The following STK32C variants were observed in gnomAD, a reference collection of about 807,000 sequenced individuals.
STK32C encodes the protein serine/threonine-protein kinase 32C.
In STK32C, 31 loss-of-function variants were observed where a neutral mutation model predicts 56.5. That is an observed-to-expected ratio of 0.55 (90% CI 0.41 to 0.74). The LOEUF (loss-of-function observed/expected upper bound fraction) is 0.74. STK32C is among the 30% of genes least tolerant of loss of function. The probability of loss-of-function intolerance (pLI) is 0.00; values close to 1 mark genes in which losing one functional copy is unlikely to be tolerated. For synonymous variants in STK32C, 309 were observed against 289.4 expected, an observed-to-expected ratio of 1.07 and a Z score of -0.69; for missense variants, 544 against 676.9, an observed-to-expected ratio of 0.80 and a Z score of 2.18.
chr10:132,286,148 T>C (rs1048671251), intron 1 of STK32C, among the ~76,000 whole-genome samples: 1 of 149,842 alleles, frequency 6.7e-6, no homozygotes, highest in African/African-American at 2.5e-5. Context: ...AGGAAAATAA[T>C]ACAACTTCAT....
At chr10:132,221,841 GTGAGTGTGAGGGCTTCA>G (rs1455830190) in intron 10 of STK32C, among the ~76,000 whole-genome samples, 44 of 137,896 alleles carry the variant, frequency 3.2e-4, no homozygotes, top group Non-Finnish European at 2.0e-4. Flanking sequence ...ACGCACCTGG[GTGAGTGTGAGGGCTTCA>G]CGTGGCCATC....
chr10:132,233,912 G>A (rs1020718961), intron 2 of STK32C, among the ~76,000 whole-genome samples: 5 of 152,256 alleles, frequency 3.3e-5, no homozygotes, highest in African/African-American at 9.6e-5. Context: ...ATGCTGGCTG[G>A]AGCCTTACTG....
rs1206993428 is a variant in STK32C, at chr10:132,255,299, A to G, written c.263-9344T>C. ...TAGGAAATACCGGGCCAGGTGGAAG[A>G]GTTGGAACCGGCCCGATAGCTCCTC... On this transcript the variant is annotated intron_variant, in intron 1 of 11. Transcript: ENST00000298630. The surrounding 1 kb of genome is among the most constrained non-coding windows in gnomAD (Gnocchi z 4.6). 6.6e-6 allele frequency among the ~76,000 whole-genome samples: 1 copy of G among 152,068 alleles called. No homozygotes were observed. The highest frequency in any genetic ancestry group is 1.5e-5 in the Non-Finnish European group (1 of 68,010).
intron 1 of STK32C, among the ~76,000 whole-genome samples, chr10:132,259,713 T>C (rs1036939211): frequency 6.6e-6 from 1 of 152,150 alleles, no homozygotes; most frequent in Non-Finnish European, 1.5e-5. Flanking sequence ...AAACCTCTTT[T>C]CTTTATAAAT....
intron 10 of STK32C, chr10:132,209,455 AG>A (rs768351528): frequency 8.7e-6 from 4 of 461,782 alleles, no homozygotes; most frequent in Non-Finnish European, 1.7e-5. Context: ...GGGTTCTCCC[AG>A]CCCCTCATCA....
At chr10:132,286,729 A>T (rs1467003590) in intron 1 of STK32C, among the ~76,000 whole-genome samples, 10 of 152,248 alleles carry the variant, frequency 6.6e-5, no homozygotes, top group Non-Finnish European at 1.3e-4. Flanking sequence ...AAAACTCAGC[A>T]AACTAAGAGG....
At chr10:132,244,279 C>T (rs1232470647) in intron 2 of STK32C, among the ~76,000 whole-genome samples, 2 of 152,206 alleles carry the variant, frequency 1.3e-5, no homozygotes, top group Non-Finnish European at 2.9e-5. Flanking sequence ...CACCCAGCAG[C>T]TCGCTCCTGT....
At chr10:132,283,037 C>A (rs1165462548) in intron 1 of STK32C, among the ~76,000 whole-genome samples, 4 of 152,218 alleles carry the variant, frequency 2.6e-5, no homozygotes, top group Non-Finnish European at 5.9e-5. Flanking sequence ...TCCACCAAGG[C>A]GGACCCCACT....
downstream of STK32C, among the ~76,000 whole-genome samples, chr10:132,322,683 A>G (rs974318844): frequency 9.2e-5 from 14 of 152,196 alleles, no homozygotes; most frequent in African/African-American, 2.4e-4. Context: ...GGAATTACTA[A>G]GCCCTTCCCA....
intron 2 of STK32C, among the ~76,000 whole-genome samples, chr10:132,229,974 G>C (rs1023831481): frequency 6.6e-6 from 1 of 152,214 alleles, no homozygotes; most frequent in African/African-American, 2.4e-5. Context: ...TGCCCGGTGG[G>C]AGGGGAAAGC....
At chr10:132,218,927 G>A (rs77132347) in intron 10 of STK32C, among the ~76,000 whole-genome samples, 1,922 of 152,280 alleles carry the variant, frequency 0.013, 44 homozygotes, top group African/African-American at 0.043. Context: ...AGCATCCTGC[G>A]AAGTGAAAGA....
intron 1 of STK32C, among the ~76,000 whole-genome samples, chr10:132,314,127 C>T (rs1054919859): frequency 2.6e-5 from 4 of 152,246 alleles, no homozygotes; most frequent in Non-Finnish European, 5.9e-5. Context: ...CCCCGCCCTT[C>T]TCTGCCCCTC....
chr10:132,294,024 G>T (rs1292894882), intron 1 of STK32C, among the ~76,000 whole-genome samples: 2 of 152,208 alleles, frequency 1.3e-5, no homozygotes, highest in Admixed American at 1.3e-4. Flanking sequence ...ACTCGCATTT[G>T]AACCTGCGGA....
At chr10:132,232,112 G>C (rs1486609056) in intron 2 of STK32C, among the ~76,000 whole-genome samples, 1 of 152,212 alleles carries the variant, frequency 6.6e-6, no homozygotes, top group South Asian at 2.1e-4. Flanking sequence ...CTGCGCTCAC[G>C]CTGCGCCCTC....
At chr10:132,274,033 G>A (rs536770332) in intron 1 of STK32C, among the ~76,000 whole-genome samples, 54 of 152,246 alleles carry the variant, frequency 3.5e-4, no homozygotes, top group Non-Finnish European at 6.3e-4. Flanking sequence ...GTTGTGGGAG[G>A]TGCACATCGA....
chr10:132,288,041 C>A lies in STK32C; in HGVS notation c.262+19531G>T, dbSNP rs551304557. 3.9e-5 allele frequency among the ~76,000 whole-genome samples: 6 copies of A among 151,992 alleles called. No individual in the cohort carries two copies. In the South Asian group the frequency reaches 1.2e-3, roughly 32 times the overall value. On this transcript the variant is annotated intron_variant, in intron 1 of 11. Transcript: ENST00000298630. ...AAAAGAATAATGTTCAGGAATAAAC[C>A]CACAATTATAAGCTCTTCCCCCAGC...
chr10:132,283,850 G>C (rs938088004), intron 1 of STK32C, among the ~76,000 whole-genome samples: 3 of 152,154 alleles, frequency 2.0e-5, no homozygotes, highest in Non-Finnish European at 2.9e-5. Flanking sequence ...GCTGGGAAGA[G>C]CCACCCCAGA....
intron 7 of STK32C, 98 bp downstream of exon 7, chr10:132,225,135 G>C: frequency 1.1e-6 from 1 of 892,628 alleles, no homozygotes; most frequent in East Asian, 2.6e-5. Flanking sequence ...ACATCCCTGC[G>C]CACCTGGACA....
At chr10:132,316,296 G>A (rs1464404898) in intron 1 of STK32C, among the ~76,000 whole-genome samples, 1 of 152,136 alleles carries the variant, frequency 6.6e-6, no homozygotes. Context: ...TGGGAGAAGA[G>A]AGTAAAGATG....
Sources: gnomAD v4.1 joint callset for allele counts (sites outside exome capture counted in the v4.1 genomes callset) on GRCh38, gnomAD v4.1.1 for gene constraint, Gnocchi (gnomAD v3.1) non-coding constraint, MANE v1.5 for transcripts, NCBI Gene and HGNC (gene_info 2026-07-23, HGNC 2026-07-21) for gene names.